The following ATRX variants were observed in gnomAD, a reference collection of about 807,000 sequenced individuals.
ATRX encodes the protein chromatin remodeler ATRX.
In ATRX, 12 loss-of-function variants were observed where a neutral mutation model predicts 172.6. The ratio of observed to expected loss-of-function variants is 0.07; its 90% confidence interval spans 0.04 to 0.11. ATRX has a LOEUF of 0.11. Among genes scored for constraint, ATRX ranks in the 10% least tolerant of loss-of-function variants. The pLI is 1.00. For synonymous variants in ATRX, 674 were observed against 594.7 expected, an observed-to-expected ratio of 1.13 and a Z score of -1.94; for missense variants, 1,368 against 1,767.4, an observed-to-expected ratio of 0.77 and a Z score of 4.05.
At chrX:77,598,444 TATAAAA>T (rs1394917789) in intron 25 of ATRX, among the ~76,000 whole-genome samples, 1 of 111,501 alleles carries the variant, frequency 9.0e-6, no homozygotes, top group Non-Finnish European at 1.9e-5. Context: ...AAGTTGAAAT[TATAAAA>T]ATAAAATTAA....
At chrX:77,592,634 G>A (rs974830231) in intron 26 of ATRX, among the ~76,000 whole-genome samples, 4 of 107,677 alleles carry the variant, frequency 3.7e-5, no homozygotes, top group Non-Finnish European at 1.9e-5. Context: ...CCAACATGGA[G>A]AAACCCCATC....
chrX:77,721,742 C>A (rs1341070419), intron 1 of ATRX, among the ~76,000 whole-genome samples: 1 of 111,714 alleles, frequency 9.0e-6, no homozygotes, highest in African/African-American at 3.3e-5. Flanking sequence ...AATGGCCATA[C>A]TGCCCAAAGT....
At chrX:77,687,177 A>T (rs1189208072) in intron 7 of ATRX, among the ~76,000 whole-genome samples, 3 of 107,176 alleles carry the variant, frequency 2.8e-5, no homozygotes, top group African/African-American at 1.0e-4. Flanking sequence ...AAAAAAAAAA[A>T]AGTTTACAAA....
Position 77,634,636 on chromosome X carries a change from T to A in ATRX, c.4767A>T (p.Gly1589=), listed in dbSNP as rs782707742. 7 of 1,211,685 alleles carry A rather than the reference T, an allele frequency of 5.8e-6. No homozygotes were observed. The South Asian group carries it at 1.2e-4, about 21-fold the overall frequency. ...GGCCCATACAGTGGGCAAGAATGCA[T>A]CCTGAACCTGGAGATTTCTTTGTTT... ...VKKTKKSPGS[G]CILAHCMGLG... Residue 1589 remains glycine, a synonymous_variant, in exon 17 of 35, where the codon GGA becomes GGT. Coordinates refer to ENST00000373344, the MANE Select transcript of ATRX (RefSeq NM_000489.6).
chrX:77,663,213 T>C (rs2070024046), intron 12 of ATRX, among the ~76,000 whole-genome samples, 169 bp downstream of exon 12: 1 of 110,512 alleles, frequency 9.0e-6, no homozygotes, highest in African/African-American at 3.3e-5. Flanking sequence ...CACCCAGCTA[T>C]TTCTTCTATT....
At chrX:77,644,065 G>A (rs1376397566) in intron 15 of ATRX, among the ~76,000 whole-genome samples, 2 of 111,867 alleles carry the variant, frequency 1.8e-5, no homozygotes, top group African/African-American at 3.2e-5. Context: ...TCAGCCTCCC[G>A]AGTAGCTGGG....
intron 10 of ATRX, among the ~76,000 whole-genome samples, chrX:77,672,730 G>C (rs781899315): frequency 5.5e-5 from 6 of 109,464 alleles, no homozygotes; most frequent in Non-Finnish European, 7.6e-5. Flanking sequence ...GAAATTATGA[G>C]AAAAAATGTG....
chrX:77,535,963 C>T (rs782567396), intron 30 of ATRX, among the ~76,000 whole-genome samples: 1 of 107,469 alleles, frequency 9.3e-6, no homozygotes, highest in Non-Finnish European at 1.9e-5. Flanking sequence ...TGGTCTTGAA[C>T]CCCTGACCTC....
At chrX:77,743,196 G>A (rs782056396) in intron 1 of ATRX, among the ~76,000 whole-genome samples, 1 of 111,169 alleles carries the variant, frequency 9.0e-6, no homozygotes, top group Admixed American at 9.6e-5. Flanking sequence ...TAGGGACTAG[G>A]CAAGAACTGC....
chrX:77,724,551 T>C (rs1337701673), intron 1 of ATRX, among the ~76,000 whole-genome samples: 1 of 110,420 alleles, frequency 9.1e-6, no homozygotes, highest in Admixed American at 9.7e-5. Flanking sequence ...CTTCACATCC[T>C]CAGGATGGGT....
chrX:77,709,413 A>G (rs953001826), intron 2 of ATRX, among the ~76,000 whole-genome samples: 1 of 110,843 alleles, frequency 9.0e-6, no homozygotes, highest in Non-Finnish European at 1.9e-5. Context: ...ACCACTCTGG[A>G]TAACAGTTCA....
chrX:77,605,987 G>A (rs1238434058), intron 22 of ATRX, among the ~76,000 whole-genome samples: 1 of 111,231 alleles, frequency 9.0e-6, no homozygotes, highest in African/African-American at 3.3e-5. Flanking sequence ...CCAATAAATT[G>A]GAAAACCTAG....
chrX:77,596,147 T>C (rs1180364755), intron 25 of ATRX: 2 of 111,681 alleles, frequency 1.8e-5, no homozygotes, highest in Non-Finnish European at 3.8e-5. Context: ...AAATAAAATA[T>C]GTGGCAAAAA....
chrX:77,698,033 C>A (rs782127168), intron 3 of ATRX, among the ~76,000 whole-genome samples: 2 of 111,447 alleles, frequency 1.8e-5, no homozygotes, highest in Non-Finnish European at 3.8e-5. Context: ...ATGTTTCATT[C>A]TTCTCTAAGC....
At chrX:77,613,065 C>T (rs1334121485) in intron 22 of ATRX, among the ~76,000 whole-genome samples, 2 of 110,681 alleles carry the variant, frequency 1.8e-5, no homozygotes, top group Admixed American at 1.9e-4. Context: ...CATAAGTGTC[C>T]CAGTATCTGC....
At chrX:77,595,315 A>G (rs1602712684) in intron 25 of ATRX, 1 of 111,416 alleles carries the variant, frequency 9.0e-6, no homozygotes, top group Non-Finnish European at 1.9e-5. Flanking sequence ...TTAAGGTCAT[A>G]TATCTCCAGA....
At chrX:77,726,911 TA>T (rs1266508755) in intron 1 of ATRX, among the ~76,000 whole-genome samples, 10 of 111,008 alleles carry the variant, frequency 9.0e-5, no homozygotes, top group Admixed American at 3.8e-4. Flanking sequence ...GAAAATTTTT[TA>T]AAAAAATAGT....
intron 1 of ATRX, among the ~76,000 whole-genome samples, chrX:77,738,773 G>A (rs1157039927): frequency 9.2e-6 from 1 of 109,048 alleles, no homozygotes; most frequent in African/African-American, 3.3e-5. Context: ...ATGTTGGCCT[G>A]GCTGGTCTCA....
intron 1 of ATRX, among the ~76,000 whole-genome samples, chrX:77,729,913 G>C (rs2074226543): frequency 8.9e-6 from 1 of 111,738 alleles, no homozygotes; most frequent in Non-Finnish European, 1.9e-5. Flanking sequence ...CTCCAGCCTG[G>C]GCAACAGAGC....
Sources: allele counts gnomAD v4.1 joint callset (sites outside exome capture counted in the v4.1 genomes callset), GRCh38; gene constraint gnomAD v4.1.1; transcripts MANE v1.5; gene names NCBI Gene and HGNC (gene_info 2026-07-23, HGNC 2026-07-21).